The following NPSR1 variants were observed in gnomAD, a reference collection of about 807,000 sequenced individuals.
NPSR1 encodes the protein neuropeptide S receptor 1.
In NPSR1, 48 loss-of-function variants were observed where a neutral mutation model predicts 46.9. The observed-to-expected ratio is 1.02, with a 90% CI of 0.81 to 1.30. NPSR1 has a LOEUF of 1.30. Among genes scored for constraint, NPSR1 ranks in the 50% most tolerant of loss-of-function variants. The pLI is 0.00. For missense variants in NPSR1, 450 were observed against 449.5 expected (o/e 1.00, Z -0.01); for synonymous variants, 176 against 168.1 (o/e 1.05, Z -0.36).
chr7:34,745,098 A>T (rs1465382681), intron 2 of NPSR1, among the ~76,000 whole-genome samples: 1 of 152,240 alleles, frequency 6.6e-6, no homozygotes, highest in East Asian at 1.9e-4. Context: ...GGAAACCAAT[A>T]ACCCCATATA....
chr7:34,692,356 T>C (rs1793308300), intron 2 of NPSR1, among the ~76,000 whole-genome samples: 1 of 152,158 alleles, frequency 6.6e-6, no homozygotes, highest in Non-Finnish European at 1.5e-5. Context: ...AAGTGTTTTC[T>C]TAAACCACAG....
At chr7:34,689,839 G>A (rs1793155126) in intron 2 of NPSR1, among the ~76,000 whole-genome samples, 1 of 151,496 alleles carries the variant, frequency 6.6e-6, no homozygotes, top group African/African-American at 2.4e-5. Flanking sequence ...CAGTTGCCAG[G>A]GAGGCTGAGG....
intron 2 of NPSR1, among the ~76,000 whole-genome samples, chr7:34,731,159 A>G (rs1784398664): frequency 6.6e-6 from 1 of 152,210 alleles, no homozygotes. Context: ...ACGGATTTAA[A>G]TGTTTAGAAT....
chr7:34,684,157 T>C (rs980077204), intron 1 of NPSR1, among the ~76,000 whole-genome samples: 9 of 152,252 alleles, frequency 5.9e-5, no homozygotes, highest in Non-Finnish European at 8.8e-5. Flanking sequence ...TATGCTGTAA[T>C]AGTTCACTGA....
At chr7:34,839,997 T>C (rs1334134192) in intron 6 of NPSR1, among the ~76,000 whole-genome samples, 3 of 152,126 alleles carry the variant, frequency 2.0e-5, no homozygotes, top group Non-Finnish European at 4.4e-5. Flanking sequence ...AGCTCGTCTG[T>C]CTTTGCATAA....
In NPSR1 at chr7:34,828,418, T is replaced by G. The variant is rs572590742; in HGVS notation, c.680+816T>G. Among the ~76,000 whole-genome samples the G allele has an allele frequency of 2.6e-5, 4 of 152,338 alleles. No individual in the cohort carries two copies. In the East Asian group the frequency reaches 7.7e-4, roughly 29 times the overall value. On this transcript the variant is annotated intron_variant, in intron 5 of 8. Coordinates refer to ENST00000360581, the MANE Select transcript of NPSR1 (RefSeq NM_207172.2). ...CCAATGGTGAGCTGTAGAGGGTCTT[T>G]CAACAGAGATTAGCACAACAACCTG...
At chr7:34,744,349 T>C (rs907279087) in intron 2 of NPSR1, among the ~76,000 whole-genome samples, 3 of 152,216 alleles carry the variant, frequency 2.0e-5, no homozygotes, top group Middle Eastern at 3.2e-3. Context: ...TTTATGTTTT[T>C]ATGTTCTAGG....
At chr7:34,769,395 TA>T (rs1479985971) in intron 2 of NPSR1, among the ~76,000 whole-genome samples, 4 of 152,194 alleles carry the variant, frequency 2.6e-5, no homozygotes, top group Non-Finnish European at 5.9e-5. Flanking sequence ...AATCTATTTA[TA>T]ATACATGTTT....
intron 1 of NPSR1, among the ~76,000 whole-genome samples, chr7:34,675,127 T>G (rs1792252738): frequency 1.3e-5 from 2 of 152,166 alleles, no homozygotes; most frequent in East Asian, 3.9e-4. Flanking sequence ...CCTATAAGAT[T>G]GAGGACAGTG....
chr7:34,658,689 T>C lies in NPSR1; in HGVS notation c.147+130T>C, dbSNP rs1340460332. On this transcript the variant is annotated intron_variant, in intron 1 of 8. Coordinates refer to ENST00000360581, the MANE Select transcript of NPSR1 (RefSeq NM_207172.2). The stretch of plus-strand genomic sequence containing the variant: ...TATTTTCTTTACTAAAAAGGATTTT[T>C]AAAAGTCTGAAGTGCTAAAACAACA... 5.1e-6 allele frequency: 5 copies of C among 986,610 alleles called. No individual in the cohort carries two copies. The East Asian group carries it at 1.0e-4, about 20-fold the overall frequency. 61.1% of individuals were successfully genotyped at this position (986,610 alleles called of 1,614,324 possible).
intron 3 of NPSR1, among the ~76,000 whole-genome samples, chr7:34,790,964 A>ATG (rs1319223265): frequency 1.1e-5 from 1 of 94,780 alleles, no homozygotes; most frequent in Non-Finnish European, 2.3e-5. Flanking sequence ...TATATGTTAT[A>ATG]TTATATATGT....
intron 2 of NPSR1, among the ~76,000 whole-genome samples, chr7:34,713,735 C>T (rs925618605): frequency 6.6e-6 from 1 of 152,164 alleles, no homozygotes; most frequent in Non-Finnish European, 1.5e-5. Context: ...CTGCATAGTC[C>T]GTGACTGGGA....
chr7:34,790,726 AT>A (rs1317670589), intron 3 of NPSR1, among the ~76,000 whole-genome samples: 1 of 123,704 alleles, frequency 8.1e-6, no homozygotes, highest in Non-Finnish European at 1.7e-5. Flanking sequence ...AATATATGTT[AT>A]ATGTTATATG....
intron 8 of NPSR1, among the ~76,000 whole-genome samples, chr7:34,877,418 G>A (rs1302650220): frequency 1.3e-5 from 2 of 152,240 alleles, no homozygotes; most frequent in Admixed American, 6.5e-5. Flanking sequence ...GGCTTCTAGA[G>A]AGAGTGTGGC....
At chr7:34,683,518 T>C (rs1230060770) in intron 1 of NPSR1, among the ~76,000 whole-genome samples, 1 of 152,184 alleles carries the variant, frequency 6.6e-6, no homozygotes, top group Admixed American at 6.5e-5. Flanking sequence ...TTTTTACTAA[T>C]TAATCATTTA....
chr7:34,752,140 T>C (rs928400546), intron 2 of NPSR1: 11 of 469,582 alleles, frequency 2.3e-5, no homozygotes, highest in Non-Finnish European at 3.5e-5. Context: ...CCAGAGCTTA[T>C]ATACCTTCCA....
intron 8 of NPSR1, among the ~76,000 whole-genome samples, chr7:34,877,611 C>T (rs542643967): frequency 6.6e-6 from 1 of 152,292 alleles, no homozygotes; most frequent in East Asian, 1.9e-4. Context: ...CCAGGGAGAC[C>T]AGAGGCAGAG....
chr7:34,673,406 C>T (rs151260043), intron 1 of NPSR1, among the ~76,000 whole-genome samples: 114 of 152,286 alleles, frequency 7.5e-4, no homozygotes, highest in African/African-American at 2.6e-3. Flanking sequence ...TTCCCACTTC[C>T]GGCCTGAGTG....
At chr7:34,707,276 G>A (rs1794159239) in intron 2 of NPSR1, among the ~76,000 whole-genome samples, 1 of 152,158 alleles carries the variant, frequency 6.6e-6, no homozygotes, top group South Asian at 2.1e-4. Context: ...ATTTCCAACT[G>A]CAAAAGTTGA....
Sources: allele counts gnomAD v4.1 joint callset (sites outside exome capture counted in the v4.1 genomes callset), GRCh38; gene constraint gnomAD v4.1.1; transcripts MANE v1.5; gene names NCBI Gene and HGNC (gene_info 2026-07-23, HGNC 2026-07-21).